Variants in DSG2 observed in about 807,000 individuals in gnomAD.
The protein encoded by DSG2 is desmoglein-2.
Under a neutral mutation model 75.6 loss-of-function variants are expected in DSG2, and 45 were observed. The ratio of observed to expected loss-of-function variants is 0.60; its 90% CI spans 0.47 to 0.76. The LOEUF (loss-of-function observed/expected upper bound fraction) is 0.76. DSG2 is among the 30% of genes least tolerant of loss of function. DSG2 has a pLI of 0.00. For missense variants in DSG2, 1,267 were observed against 1,357.4 expected, an observed-to-expected ratio of 0.93 and a Z score of 1.05; for synonymous variants, 429 against 483.9, an observed-to-expected ratio of 0.89 and a Z score of 1.49.
chr18:31,542,027 T>C (rs778662728), intron 13 of DSG2: 19 of 205,316 alleles, frequency 9.3e-5, no homozygotes, highest in Non-Finnish European at 1.7e-4. Context: ...AACCAGCACA[T>C]GGGAGAAAAG....
intron 8 of DSG2, 54 bp from the exon 9 acceptor site, chr18:31,530,933 T>G: frequency 6.4e-7 from 1 of 1,573,234 alleles, no homozygotes; most frequent in Non-Finnish European, 8.7e-7. Flanking sequence ...TGTATATGTA[T>G]ACATGTCTTC....
intron 13 of DSG2, among the ~76,000 whole-genome samples, chr18:31,541,683 C>G (rs1324471638): frequency 1.3e-5 from 2 of 152,162 alleles, no homozygotes; most frequent in Non-Finnish European, 2.9e-5. Flanking sequence ...AAGCCCACAA[C>G]CCCCATGACA....
At chr18:31,542,442 G>T in intron 13 of DSG2, 78 bp from the exon 14 acceptor site, 1 of 1,523,160 alleles carries the variant, frequency 6.6e-7, no homozygotes, top group Non-Finnish European at 9.1e-7. Flanking sequence ...ATGCCCACTT[G>T]ACTCAGATCC....
At chr18:31,506,128 C>A (rs2073038258) in intron 1 of DSG2, among the ~76,000 whole-genome samples, 1 of 152,018 alleles carries the variant, frequency 6.6e-6, no homozygotes, top group African/African-American at 2.4e-5. Context: ...CGCTGTGTGC[C>A]AGTCACTGGA....
chr18:31,544,946 G>C (rs1458090665), intron 14 of DSG2, among the ~76,000 whole-genome samples: 1 of 152,092 alleles, frequency 6.6e-6, no homozygotes, highest in Non-Finnish European at 1.5e-5. Flanking sequence ...CAAATTATTA[G>C]CGTGCTTTCC....
Position 31,519,735 on chromosome 18 carries a change from T to C in DSG2, c.82-68T>C, listed in dbSNP as rs559828638. 3.9e-6 allele frequency: 6 copies of C among 1,539,370 alleles called. No individual in the cohort carries two copies. The South Asian group carries it at 5.6e-5, about 14-fold the overall frequency. On this transcript the variant is annotated intron_variant, in intron 2 of 14. Transcript: ENST00000261590. Reference sequence around the variant, plus strand: ...CACTATTTAAAAGTTTATTATGTTATAGGACAGCATACTAATGTTCTATAT... The same window carrying C: ...CACTATTTAAAAGTTTATTATGTTACAGGACAGCATACTAATGTTCTATAT...
intron 1 of DSG2, among the ~76,000 whole-genome samples, chr18:31,508,462 C>T (rs1343993025): frequency 1.3e-5 from 2 of 151,888 alleles, no homozygotes; most frequent in African/African-American, 2.4e-5. Flanking sequence ...GGCGCCATCT[C>T]GGCTCACTGC....
At chr18:31,507,098 C>T (rs1353220293) in intron 1 of DSG2, among the ~76,000 whole-genome samples, 2 of 152,070 alleles carry the variant, frequency 1.3e-5, no homozygotes, top group Non-Finnish European at 2.9e-5. Context: ...CTCAACAGGC[C>T]GCAGTGTGTG....
At chr18:31,504,871 C>T (rs2073031045) in intron 1 of DSG2, among the ~76,000 whole-genome samples, 1 of 152,184 alleles carries the variant, frequency 6.6e-6, no homozygotes, top group African/African-American at 2.4e-5. Context: ...GACTCCTTCC[C>T]TATTATCCCC....
chr18:31,512,143 A>G (rs1379733646), intron 1 of DSG2, among the ~76,000 whole-genome samples: 2 of 152,124 alleles, frequency 1.3e-5, no homozygotes, highest in South Asian at 2.1e-4. Context: ...CACAGAACAC[A>G]TAAAAACGGC....
rs756024562 is a variant in DSG2 at position 31,524,477 on chromosome 18, A to G, written c.720A>G (p.Glu240=). The G allele has an allele frequency of 4.3e-6, 7 of 1,614,190 alleles. No individual in the cohort carries two copies. The highest frequency in any genetic ancestry group is 3.3e-5 in the Admixed American group (2 of 60,030). The change falls in exon 7 of 15, where the codon GAA becomes GAG. Residue 240 remains glutamate (E), a synonymous_variant. Coordinates refer to ENST00000261590, the MANE Select transcript of DSG2 (RefSeq NM_001943.5). ...ACAGCAGCTACACTTTGACAGTAGA[A>G]GCAAGAGATGGCAATGGAGAAGTTA... The part of the protein sequence containing the change: ...EEHSSYTLTV[E]ARDGNGEVTD...
chr18:31,535,386 C>T lies in DSG2; in HGVS notation c.1397C>T (p.Thr466Ile), dbSNP rs769137357. Reference protein sequence around the residue: ...ESRYVQNGTYTVKIVAISEDY... With the variant: ...ESRYVQNGTYIVKIVAISEDY... Reference sequence around the variant, plus strand: ...AGATATGTTCAAAATGGCACATACACTGTAAAGATTGTGGCCATATCAGAA... The same window carrying T: ...AGATATGTTCAAAATGGCACATACATTGTAAAGATTGTGGCCATATCAGAA... Residue 466 changes from threonine (T) to isoleucine (I), a missense_variant, in exon 10 of 15, where the codon ACT (threonine) becomes ATT (isoleucine). By Grantham distance (89) the Thr-to-Ile change is moderately conservative (BLOSUM62 -1). Coordinates refer to ENST00000261590, the MANE Select transcript of DSG2 (RefSeq NM_001943.5). The T allele has an allele frequency of 1.7e-5, 27 of 1,611,448 alleles. No homozygotes were observed. The African/African-American group carries it at 2.8e-4, about 17-fold the overall frequency.
chr18:31,509,223 C>T (rs2073054275), intron 1 of DSG2, among the ~76,000 whole-genome samples: 1 of 152,134 alleles, frequency 6.6e-6, no homozygotes, highest in Admixed American at 6.5e-5. Flanking sequence ...TAATAAAAAG[C>T]TTTCAAAGAA....
chr18:31,512,733 G>A (rs778135282), intron 1 of DSG2, among the ~76,000 whole-genome samples: 9 of 152,136 alleles, frequency 5.9e-5, no homozygotes, highest in Non-Finnish European at 1.2e-4. Context: ...TACCATTCAC[G>A]TCTCTGTGCA....
intron 10 of DSG2, 106 bp from the exon 11 acceptor site, chr18:31,536,096 A>G (rs1252713720): frequency 4.0e-6 from 4 of 992,602 alleles, no homozygotes; most frequent in Non-Finnish European, 4.7e-6. Flanking sequence ...AAAATGTCCT[A>G]AGTGGTTAGT....
At chr18:31,531,730 T>C (rs1359320872) in intron 9 of DSG2, among the ~76,000 whole-genome samples, 1 of 152,214 alleles carries the variant, frequency 6.6e-6, no homozygotes, top group Admixed American at 6.5e-5. Context: ...GTTTCAGAGA[T>C]TAATGAGCCT....
intron 12 of DSG2, 54 bp from the exon 13 acceptor site, chr18:31,541,139 T>G: frequency 6.2e-7 from 1 of 1,612,722 alleles, no homozygotes; most frequent in South Asian, 1.1e-5. Flanking sequence ...GCAATATAAA[T>G]TTAGAAATAT....
intron 14 of DSG2, among the ~76,000 whole-genome samples, chr18:31,544,461 C>T (rs12604517): frequency 0.26 from 39,025 of 151,824 alleles, 5,316 homozygotes; most frequent in East Asian, 0.5. Flanking sequence ...GCAAAAATGG[C>T]TATATTAGAA....
At chr18:31,528,666 C>T (rs1191348327) in intron 8 of DSG2, among the ~76,000 whole-genome samples, 1 of 147,682 alleles carries the variant, frequency 6.8e-6, no homozygotes, top group Admixed American at 6.9e-5. Context: ...GCCAGCATCA[C>T]GTCACTTCAT....
Sources: allele counts gnomAD v4.1 joint callset (sites outside exome capture counted in the v4.1 genomes callset), GRCh38; gene constraint gnomAD v4.1.1; transcripts MANE v1.5; gene names NCBI Gene and HGNC (gene_info 2026-07-23, HGNC 2026-07-21).